The following MCC variants were observed in gnomAD, a reference collection of about 807,000 sequenced individuals.
The protein encoded by MCC is colorectal mutant cancer protein.
MCC carries 90 observed loss-of-function variants against 116.2 expected under a neutral mutation model. That is an observed-to-expected ratio of 0.77 (90% confidence interval 0.65 to 0.92). The LOEUF (loss-of-function observed/expected upper bound fraction) is 0.92, where lower values mean the gene tolerates loss of function less well. Ranked by LOEUF, MCC falls within the 40% of genes least tolerant of loss-of-function variation. The pLI is 0.00. For synonymous variants in MCC, 578 were observed against 510.5 expected (o/e 1.13, Z -1.78); for missense variants, 1,516 against 1,312.2 (o/e 1.16, Z -2.40).
intron 1 of MCC, among the ~76,000 whole-genome samples, chr5:113,443,721 A>G (rs1027639284): frequency 4.6e-5 from 7 of 152,140 alleles, no homozygotes; most frequent in East Asian, 1.9e-4. Context: ...GTTGAATTTT[A>G]TCGAAGGCCT....
At chr5:113,155,166 TAA>T (rs1406770260) in intron 3 of MCC, among the ~76,000 whole-genome samples, 1 of 152,208 alleles carries the variant, frequency 6.6e-6, no homozygotes, top group Non-Finnish European at 1.5e-5. Context: ...TTACTTCACT[TAA>T]CATAATGACC....
chr5:113,087,052 G>C (rs1561796475), intron 8 of MCC, among the ~76,000 whole-genome samples: 1 of 152,152 alleles, frequency 6.6e-6, no homozygotes, highest in Non-Finnish European at 1.5e-5. Context: ...AGGAAGAGTG[G>C]AGCCATGCCC....
intron 1 of MCC, among the ~76,000 whole-genome samples, chr5:113,444,921 A>T (rs1771164666): frequency 6.6e-6 from 1 of 152,254 alleles, no homozygotes; most frequent in Admixed American, 6.5e-5. Flanking sequence ...GTATTCCTCT[A>T]GATGAGAAAA....
At chr5:113,452,831 G>A (rs1271583033) in intron 1 of MCC, among the ~76,000 whole-genome samples, 1 of 152,132 alleles carries the variant, frequency 6.6e-6, no homozygotes, top group East Asian at 1.9e-4. Flanking sequence ...TTCCCCATTT[G>A]GTCTCAGGTG....
intron 2 of MCC, among the ~76,000 whole-genome samples, chr5:113,375,627 G>C (rs1768963387): frequency 6.6e-6 from 1 of 152,170 alleles, no homozygotes; most frequent in Middle Eastern, 3.2e-3. Flanking sequence ...GAGGGACTAA[G>C]ATATCCACAC....
chr5:113,326,412 A>G (rs1439009836), intron 3 of MCC, among the ~76,000 whole-genome samples: 1 of 152,192 alleles, frequency 6.6e-6, no homozygotes, highest in Non-Finnish European at 1.5e-5. Flanking sequence ...TCAAGGTGCC[A>G]AGATCTTCCA....
At chr5:113,071,660 G>A (rs1200342883) in intron 11 of MCC, among the ~76,000 whole-genome samples, 1 of 152,202 alleles carries the variant, frequency 6.6e-6, no homozygotes, top group Non-Finnish European at 1.5e-5. Context: ...TTAAGCCTTT[G>A]CTTTAGTGAT....
At chr5:113,158,151 A>T (rs1760278609) in intron 3 of MCC, among the ~76,000 whole-genome samples, 2 of 152,226 alleles carry the variant, frequency 1.3e-5, no homozygotes, top group South Asian at 4.1e-4. Flanking sequence ...GGAATTTTCC[A>T]CTTAACATTT....
Position 113,029,463 on chromosome 5 carries a change from G to C in MCC, c.2757-407C>G, listed in dbSNP as rs1580872478. ...CCTAAGTATCTCCTGAACCACTCAGGTTTAGCAACCTACCTTGAACAGGTC... is the reference window on the plus strand; with the variant it reads ...CCTAAGTATCTCCTGAACCACTCAGCTTTAGCAACCTACCTTGAACAGGTC... On this transcript the variant is annotated intron_variant, in intron 17 of 18. Coordinates refer to ENST00000408903, the MANE Select transcript of MCC (RefSeq NM_001085377.2). Among the ~76,000 whole-genome samples the C allele has an allele frequency of 4.0e-5, 6 of 151,478 alleles. 1 individual carries two copies. The Admixed American group carries it at 4.0e-4, about 10-fold the overall frequency.
intron 1 of MCC, among the ~76,000 whole-genome samples, chr5:113,484,107 C>T (rs945797843): frequency 3.9e-5 from 6 of 152,038 alleles, no homozygotes; most frequent in Non-Finnish European, 7.4e-5. Flanking sequence ...AGGCTTAGCA[C>T]CCATAACTAG....
intron 3 of MCC, among the ~76,000 whole-genome samples, chr5:113,282,393 C>A (rs1766081693): frequency 6.6e-6 from 1 of 152,190 alleles, no homozygotes; most frequent in Admixed American, 6.5e-5. Flanking sequence ...GCAGTAATTA[C>A]ATGTGTGTCC....
chr5:113,413,129 T>C (rs1580345733), intron 1 of MCC, among the ~76,000 whole-genome samples: 1 of 152,152 alleles, frequency 6.6e-6, no homozygotes, highest in Non-Finnish European at 1.5e-5. Context: ...GCCCACTTGA[T>C]CATGGTGGAT....
At chr5:113,283,775 T>C (rs1227336547) in intron 3 of MCC, among the ~76,000 whole-genome samples, 1 of 152,184 alleles carries the variant, frequency 6.6e-6, no homozygotes. Flanking sequence ...TAAAAATAAA[T>C]TCTTATTACT....
intron 3 of MCC, among the ~76,000 whole-genome samples, chr5:113,275,086 C>T (rs900123059): frequency 3.9e-5 from 6 of 152,116 alleles, no homozygotes; most frequent in Non-Finnish European, 5.9e-5. Context: ...AACCTAAGAC[C>T]ATCCTAGCAA....
At chr5:113,117,510 C>T (rs998868887) in intron 6 of MCC, among the ~76,000 whole-genome samples, 1 of 152,172 alleles carries the variant, frequency 6.6e-6, no homozygotes, top group South Asian at 2.1e-4. Context: ...GATATTTCAA[C>T]CTTGAGGGTA....
chr5:113,297,255 C>T (rs1766736856), intron 3 of MCC, among the ~76,000 whole-genome samples: 1 of 152,090 alleles, frequency 6.6e-6, no homozygotes, highest in Non-Finnish European at 1.5e-5. Flanking sequence ...GTAATCCCAG[C>T]ATTTGGGAGG....
intron 3 of MCC, among the ~76,000 whole-genome samples, chr5:113,333,343 G>C (rs750185995): frequency 1.3e-5 from 2 of 151,652 alleles, no homozygotes; most frequent in Non-Finnish European, 2.9e-5. Context: ...ATAATACACA[G>C]TTTTAATTCG....
At position 113,053,818 on chromosome 5, in the gene MCC, G is replaced by A. The variant is rs151022367; in HGVS notation, c.2355C>T (p.Ile785=). The A allele has an allele frequency of 3.2e-5, 51 of 1,613,984 alleles. No individual in the cohort carries two copies. Among genetic ancestry groups the A allele is most frequent in the African/African-American group, 2.0e-4 (15 of 74,904 alleles). Residue 785 remains isoleucine, a synonymous_variant, in exon 15 of 19, where the codon ATC becomes ATT. Transcript: ENST00000408903. ...GCTTGACGTCATAGCTGAGAGGATC[G>A]ATGTGGATGCTTTCCAGCTCCAGCA... ...LTMLELESIH[I]DPLSYDVKPR...
chr5:113,082,956 T>G lies in MCC; in HGVS notation c.1688A>C (p.Asn563Thr), dbSNP rs762885784. 1.2e-6 allele frequency: 2 copies of G among 1,614,078 alleles called. No homozygotes were observed. Among genetic ancestry groups the G allele is most frequent in the African/African-American group, 2.7e-5 (2 of 74,914 alleles). ...GAGTGTTTGGAAAATCTCTTGGATA[T>G]TGGAGCAGTCCTGAAGTGAGTGGGC... ...HLAHSLQDCS[N>T]IQEIFQTLYS... The change falls in exon 11 of 19, where the codon AAT (asparagine) becomes ACT (threonine). Residue 563 changes from asparagine (N) to threonine (T), a missense_variant. By Grantham distance (65) the Asn-to-Thr change is moderately conservative. Coordinates refer to ENST00000408903, the MANE Select transcript of MCC (RefSeq NM_001085377.2).
Sources: allele counts gnomAD v4.1 joint callset (sites outside exome capture counted in the v4.1 genomes callset), GRCh38; gene constraint gnomAD v4.1.1; transcripts MANE v1.5; gene names NCBI Gene and HGNC (gene_info 2026-07-23, HGNC 2026-07-21).